Variants in NR3C2 observed in about 807,000 individuals in gnomAD.
The protein encoded by NR3C2 is nuclear receptor subfamily 3 group C member 2.
In NR3C2, 15 loss-of-function variants were observed where a neutral mutation model predicts 86.4. The observed-to-expected ratio is 0.17, with a 90% CI of 0.12 to 0.27. NR3C2 has a LOEUF of 0.27. Among genes scored for constraint, NR3C2 ranks in the 10% least tolerant of loss-of-function variants. The pLI, the probability that NR3C2 is intolerant of heterozygous loss-of-function variation, is 1.00. For missense variants in NR3C2, 960 were observed against 1,195.6 expected (o/e 0.80, Z 2.91); for synonymous variants, 458 against 450.5 (o/e 1.02, Z -0.21).
intron 2 of NR3C2, among the ~76,000 whole-genome samples, chr4:148,391,497 A>C (rs72658610): frequency 2.3e-4 from 35 of 152,370 alleles, no homozygotes; most frequent in Admixed American, 5.2e-4. Flanking sequence ...GAAAGGAAAG[A>C]AAGCCATGGC....
intron 6 of NR3C2, among the ~76,000 whole-genome samples, chr4:148,127,279 T>C (rs1310480591): frequency 1.3e-5 from 2 of 152,216 alleles, no homozygotes; most frequent in African/African-American, 2.4e-5. Context: ...GAAATGTACA[T>C]GCAAGGAAGT....
intron 2 of NR3C2, among the ~76,000 whole-genome samples, chr4:148,377,637 A>C (rs1321254298): frequency 6.6e-6 from 1 of 152,250 alleles, no homozygotes; most frequent in Non-Finnish European, 1.5e-5. Context: ...CAATCATCAT[A>C]ACAGCAGGAC....
chr4:148,200,214 G>A (rs1198451210), intron 3 of NR3C2, among the ~76,000 whole-genome samples: 2 of 152,218 alleles, frequency 1.3e-5, no homozygotes, highest in East Asian at 3.9e-4. Context: ...GGTCGCCAAT[G>A]CCCTGCGGGC....
intron 3 of NR3C2, among the ~76,000 whole-genome samples, chr4:148,251,528 A>T (rs1739578298): frequency 6.6e-6 from 1 of 152,210 alleles, no homozygotes; most frequent in Non-Finnish European, 1.5e-5. Context: ...CACAGAGCAG[A>T]CATCAAAGAG....
intron 8 of NR3C2, among the ~76,000 whole-genome samples, chr4:148,090,033 A>G (rs1730988648): frequency 6.6e-6 from 1 of 152,194 alleles, no homozygotes; most frequent in Admixed American, 6.5e-5. Flanking sequence ...TTCTAGAATT[A>G]AGCCTTGTTC....
intron 6 of NR3C2, among the ~76,000 whole-genome samples, chr4:148,136,402 G>A (rs1230783485): frequency 6.6e-6 from 1 of 151,908 alleles, no homozygotes. Context: ...GAGAGGGGGA[G>A]AGACACAGCC....
At position 148,083,353 on chromosome 4, in the gene NR3C2, C is replaced by T. The variant is rs78308269; in HGVS notation, c.2800-1854G>A. Among the ~76,000 whole-genome samples the T allele has an allele frequency of 6.8e-4, 104 of 152,244 alleles. 1 individual carries two copies. The East Asian group carries it at 0.016, about 24-fold the overall frequency. ...CCATTGGGACAAAGCCTCCAGGCAGCGATCTTTGCTGTTCTGCAGCCTCCA... is the reference window on the plus strand; with the variant it reads ...CCATTGGGACAAAGCCTCCAGGCAGTGATCTTTGCTGTTCTGCAGCCTCCA... On this transcript the variant is annotated intron_variant, in intron 8 of 8. Transcript: ENST00000358102.
At chr4:148,325,511 GACATT>G (rs76991578) in intron 2 of NR3C2, among the ~76,000 whole-genome samples, 50,976 of 151,598 alleles carry the variant, frequency 0.34, 9,727 homozygotes, top group African/African-American at 0.53. Flanking sequence ...ATGAAGTTAT[GACATT>G]ACATTAATGT....
intron 3 of NR3C2, among the ~76,000 whole-genome samples, chr4:148,209,453 G>C (rs1737173942): frequency 6.6e-6 from 1 of 151,848 alleles, no homozygotes; most frequent in Non-Finnish European, 1.5e-5. Context: ...CTAATTTTCT[G>C]ATGTTTTTTG....
intron 7 of NR3C2, among the ~76,000 whole-genome samples, chr4:148,115,581 A>G (rs1732238282): frequency 6.6e-6 from 1 of 152,186 alleles, no homozygotes. Context: ...AGACTTGGAG[A>G]TGGTGCTGAG....
At chr4:148,440,503 A>T (rs1039089215) in intron 1 of NR3C2, among the ~76,000 whole-genome samples, 30 of 152,396 alleles carry the variant, frequency 2.0e-4, no homozygotes, top group African/African-American at 7.2e-4. Context: ...AGAGGTATAC[A>T]AATCTAACTA....
intron 4 of NR3C2, among the ~76,000 whole-genome samples, chr4:148,172,103 C>G (rs1422290393): frequency 6.6e-6 from 1 of 152,028 alleles, no homozygotes; most frequent in African/African-American, 2.4e-5. Flanking sequence ...TCTATTACCT[C>G]TTATTCTTTG....
At chr4:148,152,782 T>A (rs142734955) in intron 5 of NR3C2, among the ~76,000 whole-genome samples, 169 bp from the exon 6 acceptor site, 9 of 152,280 alleles carry the variant, frequency 5.9e-5, no homozygotes, top group African/African-American at 1.7e-4. Flanking sequence ...ACTGGCCCAG[T>A]CCTGTTCCAC....
rs550584564 is a variant in NR3C2 at position 148,283,721 on chromosome 4, T to TA, written c.1758-23605dup. Among the ~76,000 whole-genome samples the TA allele has an allele frequency of 3.4e-3, 519 of 152,340 alleles. 2 individuals carry two copies. The highest frequency in any genetic ancestry group is 0.012 in the African/African-American group (504 of 41,578). ...GCTAAAAATTATGCAACCTATATAA[T>TA]AAAAAATAACATAACTCATTACTTG... On this transcript the variant is annotated intron_variant, in intron 2 of 8. Coordinates refer to ENST00000358102, the MANE Select transcript of NR3C2 (RefSeq NM_000901.5).
At position 148,435,403 on chromosome 4, in the gene NR3C2, G is replaced by A. The variant is rs372856184; in HGVS notation, c.1458C>T (p.Gly486=). The change falls in exon 2 of 9, where the codon GGC becomes GGT. Residue 486 remains glycine (G), a synonymous_variant. Transcript: ENST00000358102. The part of the protein sequence containing the change: ...PVPGFDGNCE[G]SGFPVGIKQE... The stretch of plus-strand genomic sequence containing the variant: ...GTTTAATACCCACTGGGAATCCGCT[G>A]CCTTCACAGTTACCATCAAAGCCGG... 9 of 1,613,998 alleles carry A rather than the reference G, an allele frequency of 5.6e-6. No homozygotes were observed. In the Admixed American group the frequency reaches 1.0e-4, roughly 18 times the overall value.
At chr4:148,374,090 A>G (rs1005090588) in intron 2 of NR3C2, among the ~76,000 whole-genome samples, 1 of 152,158 alleles carries the variant, frequency 6.6e-6, no homozygotes, top group Non-Finnish European at 1.5e-5. Flanking sequence ...ATTACCAAAT[A>G]TCCTAATCTG....
At chr4:148,235,982 G>A (rs533658983) in intron 3 of NR3C2, among the ~76,000 whole-genome samples, 7 of 152,170 alleles carry the variant, frequency 4.6e-5, no homozygotes, top group Non-Finnish European at 7.4e-5. Flanking sequence ...CTTGGCAGAC[G>A]GCCACTGCCA....
intron 2 of NR3C2, among the ~76,000 whole-genome samples, chr4:148,261,435 T>C (rs1481027903): frequency 6.6e-6 from 1 of 151,550 alleles, no homozygotes; most frequent in Non-Finnish European, 1.5e-5. Flanking sequence ...AGCGCTATGG[T>C]GCGCTACGGT....
At chr4:148,202,123 T>C (rs1202953619) in intron 3 of NR3C2, among the ~76,000 whole-genome samples, 1 of 152,202 alleles carries the variant, frequency 6.6e-6, no homozygotes, top group Non-Finnish European at 1.5e-5. Flanking sequence ...GCCTTTTACA[T>C]ATGGGGGACT....
Sources: gnomAD v4.1 joint callset for allele counts (sites outside exome capture counted in the v4.1 genomes callset) on GRCh38, gnomAD v4.1.1 for gene constraint, MANE v1.5 for transcripts, NCBI Gene and HGNC (gene_info 2026-07-23, HGNC 2026-07-21) for gene names.